Variants in SLC22A16 observed in about 807,000 individuals in gnomAD.
The protein encoded by SLC22A16 is solute carrier family 22 member 16.
Under a neutral mutation model 52.9 loss-of-function variants are expected in SLC22A16, and 53 were observed. That is an observed-to-expected ratio of 1.00 (90% CI 0.80 to 1.26). The LOEUF is 1.26. SLC22A16 is among the 50% of genes most tolerant of loss of function. The pLI is 0.00. For missense variants in SLC22A16, 726 were observed against 704.0 expected, an observed-to-expected ratio of 1.03 and a Z score of -0.35; for synonymous variants, 291 against 268.8, an observed-to-expected ratio of 1.08 and a Z score of -0.81.
At chr6:110,433,598 C>T (rs905355720) in intron 6 of SLC22A16, among the ~76,000 whole-genome samples, 1 of 152,182 alleles carries the variant, frequency 6.6e-6, no homozygotes, top group African/African-American at 2.4e-5. Context: ...ATAACATACT[C>T]CTAAATGGGA....
rs140932147 is a variant in SLC22A16, at chr6:110,453,927, G to A, written c.533+2611C>T. On this transcript the variant is annotated intron_variant, in intron 2 of 7. Coordinates refer to ENST00000368919, the MANE Select transcript of SLC22A16 (RefSeq NM_033125.4). Reference sequence around the variant, plus strand: ...CACATGTAAAGAGAGAGAAACCTGAGGGGTGTCCTCACTTTAAAACAATCC... The same window carrying A: ...CACATGTAAAGAGAGAGAAACCTGAAGGGTGTCCTCACTTTAAAACAATCC... Among the ~76,000 whole-genome samples the A allele has an allele frequency of 2.1e-3, 316 of 152,244 alleles. 3 individuals are homozygous for A. The highest frequency in any genetic ancestry group is 7.3e-3 in the African/African-American group (304 of 41,546).
intron 1 of SLC22A16, among the ~76,000 whole-genome samples, chr6:110,459,510 GT>G (rs1341969290): frequency 6.6e-6 from 1 of 152,156 alleles, no homozygotes; most frequent in Non-Finnish European, 1.5e-5. Flanking sequence ...GACTGCCAAG[GT>G]CACAAAAAAT....
intron 1 of SLC22A16, among the ~76,000 whole-genome samples, chr6:110,465,558 A>G (rs1469851971): frequency 1.3e-5 from 2 of 152,280 alleles, no homozygotes; most frequent in East Asian, 3.9e-4. Flanking sequence ...CAAACACACA[A>G]AATACCTAGG....
chr6:110,450,579 T>G (rs563605010), intron 2 of SLC22A16, among the ~76,000 whole-genome samples: 246 of 139,026 alleles, frequency 1.8e-3, no homozygotes, highest in Admixed American at 3.8e-3. Context: ...ACCACTGCAC[T>G]TCAGCCTGGG....
rs541011284 is a variant in SLC22A16, at chr6:110,434,505, G to A, written c.1421+1347C>T. ...AACAGAGCTTCCACAAAGGACCTCC[G>A]TCCTCTTCACCACATAAAGAGTTTC... is the stretch of plus-strand genomic sequence containing the variant. On this transcript the variant is annotated intron_variant, in intron 6 of 7. Coordinates refer to ENST00000368919, the MANE Select transcript of SLC22A16 (RefSeq NM_033125.4). 4.8e-4 allele frequency among the ~76,000 whole-genome samples: 73 copies of A among 152,258 alleles called. 1 individual carries two copies. The highest frequency in any genetic ancestry group is 3.7e-3 in the South Asian group (18 of 4,818).
chr6:110,446,055 G>A (rs1292943833), intron 3 of SLC22A16, among the ~76,000 whole-genome samples: 1 of 152,058 alleles, frequency 6.6e-6, no homozygotes, highest in East Asian at 1.9e-4. Flanking sequence ...CTCTGAGGGG[G>A]TGCAGAGAGA....
At chr6:110,434,599 A>T (rs1774641802) in intron 6 of SLC22A16, among the ~76,000 whole-genome samples, 1 of 132,198 alleles carries the variant, frequency 7.6e-6, no homozygotes, top group Non-Finnish European at 1.6e-5. Flanking sequence ...ATCAGTGGGA[A>T]TCACATCAGA....
intron 3 of SLC22A16, among the ~76,000 whole-genome samples, chr6:110,443,032 C>A (rs1212708070): frequency 6.6e-6 from 1 of 152,152 alleles, no homozygotes; most frequent in Non-Finnish European, 1.5e-5. Flanking sequence ...TAGACATTGT[C>A]TTTTGTGTCA....
rs111655355 is a variant in SLC22A16 at position 110,473,634 on chromosome 6, C to T, written c.53+2888G>A. Among the ~76,000 whole-genome samples, 1,151 of 148,872 alleles carry T rather than the reference C, an allele frequency of 7.7e-3. 11 individuals are homozygous for T. The highest frequency in any genetic ancestry group is 0.027 in the African/African-American group (1,106 of 40,410). Reference sequence around the variant, plus strand: ...CTGCCTCCTGGGTTCACGCCATTCTCCTGCCTCAGCCTCCCAAGTAGCTGG... The same window carrying T: ...CTGCCTCCTGGGTTCACGCCATTCTTCTGCCTCAGCCTCCCAAGTAGCTGG... On this transcript the variant is annotated intron_variant, in intron 1 of 7. Coordinates refer to ENST00000368919, the MANE Select transcript of SLC22A16 (RefSeq NM_033125.4).
intron 1 of SLC22A16, among the ~76,000 whole-genome samples, chr6:110,462,984 G>GA (rs35732132): frequency 0.11 from 15,686 of 144,832 alleles, 861 homozygotes; most frequent in African/African-American, 0.15. Flanking sequence ...CTTCTTAAAG[G>GA]AAAAAAAAAA....
At chr6:110,428,198 G>C (rs986104833) in intron 7 of SLC22A16, among the ~76,000 whole-genome samples, 2 of 151,822 alleles carry the variant, frequency 1.3e-5, no homozygotes, top group African/African-American at 4.8e-5. Context: ...GAAAACACTG[G>C]CTCCCCAGGC....
chr6:110,461,646 C>A (rs772409380), intron 1 of SLC22A16, among the ~76,000 whole-genome samples: 1 of 152,156 alleles, frequency 6.6e-6, no homozygotes, highest in African/African-American at 2.4e-5. Context: ...GATAGTGTGT[C>A]AGCTCATACA....
At chr6:110,454,869 T>C (rs1775570715) in intron 2 of SLC22A16, among the ~76,000 whole-genome samples, 1 of 82,038 alleles carries the variant, frequency 1.2e-5, no homozygotes, top group South Asian at 2.8e-4. Flanking sequence ...TGTTATATTA[T>C]ATATAATATA....
chr6:110,431,507 G>A (rs967926679), intron 6 of SLC22A16, among the ~76,000 whole-genome samples: 1 of 152,072 alleles, frequency 6.6e-6, no homozygotes, highest in South Asian at 2.1e-4. Flanking sequence ...ATTGTGTTAC[G>A]ACTGCCTGCA....
At chr6:110,469,269 C>G (rs1256159323) in intron 1 of SLC22A16, among the ~76,000 whole-genome samples, 1 of 152,200 alleles carries the variant, frequency 6.6e-6, no homozygotes, top group East Asian at 1.9e-4. Context: ...TGGCTCATGC[C>G]TATAATCCCA....
Position 110,431,199 on chromosome 6 carries a change from A to T in SLC22A16, c.1493T>A (p.Leu498His). ...ASILAPFSVDLSSIWIFIPQL... is the reference protein window; with the variant it reads ...ASILAPFSVDHSSIWIFIPQL... ...TGGTATGAAGATCCAAATGCTGCTG[A>T]GGTCCACAGAGAACGGCGCCAGGAT... Residue 498 changes from leucine to histidine, a missense_variant, in exon 7 of 8, where the codon CTC becomes CAC. Leu to His is a moderately conservative substitution (Grantham distance 99). Transcript: ENST00000368919. The T allele has an allele frequency of 6.2e-7, 1 of 1,613,894 alleles. No individual in the cohort carries two copies. Among genetic ancestry groups the T allele is most frequent in the Non-Finnish European group, 8.5e-7 (1 of 1,179,978 alleles).
chr6:110,452,875 G>T (rs528743482), intron 2 of SLC22A16, among the ~76,000 whole-genome samples: 2 of 152,132 alleles, frequency 1.3e-5, no homozygotes, highest in African/African-American at 4.8e-5. Flanking sequence ...CCTCTAATAC[G>T]TTAATGTGGT....
intron 4 of SLC22A16, 98 bp downstream of exon 4, chr6:110,442,146 A>C (rs1774991238): frequency 1.6e-6 from 2 of 1,220,860 alleles, no homozygotes; most frequent in Admixed American, 2.6e-5. Flanking sequence ...CCTATTAAAA[A>C]CATTCTTTTT....
rs571644036 is a variant in SLC22A16 at position 110,461,304 on chromosome 6, C to T, written c.54-4287G>A. Among the ~76,000 whole-genome samples, 14 of 152,214 alleles carry T rather than the reference C, an allele frequency of 9.2e-5. 1 individual carries two copies. The South Asian group carries it at 2.9e-3, about 32-fold the overall frequency. ...CACAGACCTCAGGAGTGGCCAGGAG[C>T]CAAAGGACAGTGTTTAAAAGAACTG... On this transcript the variant is annotated intron_variant, in intron 1 of 7. Transcript: ENST00000368919.
Sources: allele counts gnomAD v4.1 joint callset (sites outside exome capture counted in the v4.1 genomes callset), GRCh38; gene constraint gnomAD v4.1.1; transcripts MANE v1.5; gene names NCBI Gene and HGNC (gene_info 2026-07-23, HGNC 2026-07-21).